Variants in CCNJL observed in about 807,000 individuals in gnomAD.
The protein encoded by CCNJL is cyclin J like.
In CCNJL, 33 loss-of-function variants were observed where a neutral mutation model predicts 33.4. The ratio of observed to expected loss-of-function variants is 0.99; its 90% CI spans 0.75 to 1.32. The LOEUF is 1.32. CCNJL is among the 40% of genes most tolerant of loss of function. The pLI is 0.00. For missense variants in CCNJL, 512 were observed against 499.7 expected (o/e 1.02, Z -0.23); for synonymous variants, 227 against 220.9 (o/e 1.03, Z -0.24).
intron 1 of CCNJL, among the ~76,000 whole-genome samples, chr5:160,323,948 C>A (rs763296566): frequency 4.6e-5 from 7 of 152,206 alleles, no homozygotes; most frequent in Admixed American, 6.5e-5. Flanking sequence ...TGCATTCCGA[C>A]GGGGACTATC....
upstream of CCNJL, among the ~76,000 whole-genome samples, chr5:160,314,721 A>G (rs755336779): frequency 1.3e-5 from 2 of 152,264 alleles, no homozygotes; most frequent in Non-Finnish European, 2.9e-5. Context: ...ATAAATCGGT[A>G]TGTAAAACAT....
chr5:160,324,730 A>G (rs567742403), intron 1 of CCNJL, among the ~76,000 whole-genome samples: 10 of 152,326 alleles, frequency 6.6e-5, no homozygotes, highest in African/African-American at 2.4e-4. Flanking sequence ...TTTGCTCTCC[A>G]GCAAGACTGG....
chr5:160,336,125 T>G (rs1763681866), intron 1 of CCNJL, among the ~76,000 whole-genome samples: 1 of 152,220 alleles, frequency 6.6e-6, no homozygotes, highest in African/African-American at 2.4e-5. Context: ...ATTTATATCG[T>G]CAGTCCAGAA....
At chr5:160,288,676 C>T (rs899935685) in intron 2 of CCNJL, among the ~76,000 whole-genome samples, 3 of 151,922 alleles carry the variant, frequency 2.0e-5, no homozygotes, top group Admixed American at 6.6e-5. Context: ...CGAGACCATC[C>T]TGGCGAACAT....
At chr5:160,306,705 G>A (rs72812289) in intron 2 of CCNJL, among the ~76,000 whole-genome samples, 14,844 of 152,252 alleles carry the variant, frequency 0.097, 803 homozygotes, top group South Asian at 0.21. Context: ...GGAAGACTAT[G>A]TGTAAAATGG....
rs758230399 is a variant in CCNJL, at chr5:160,255,703, T to C, written c.589A>G (p.Ile197Val). 12 of 1,613,738 alleles carry C rather than the reference T, an allele frequency of 7.4e-6. No individual in the cohort carries two copies. In the South Asian group the frequency reaches 1.2e-4, roughly 16 times the overall value. Residue 197 changes from isoleucine (I) to valine (V), a missense_variant, in exon 5 of 6, where the codon ATA becomes GTA. Transcript: ENST00000257536. Reference protein sequence around the residue: ...YFLEVTLQDHIFYKFQPSVVA... With the variant: ...YFLEVTLQDHVFYKFQPSVVA... ...ACAGAAGGCTGGAATTTGTAGAATA[T>C]GTGATCTGAAAGAAAGCCACGGAGG...
In CCNJL at chr5:160,324,348, G is replaced by A. The variant is rs561020703; in HGVS notation, n.207-8843C>T. Among the ~76,000 whole-genome samples the A allele has an allele frequency of 1.6e-3, 244 of 152,202 alleles. 1 individual carries two copies. The highest frequency in any genetic ancestry group is 5.5e-3 in the African/African-American group (228 of 41,546). ...AGCACTTTGGGAGGCCGAGGCAGGC[G>A]GATCACCTGAGGTCAGGAGTTCTAG... On this transcript the variant is annotated intron_variant and non_coding_transcript_variant, in intron 1 of 7. Coordinates refer to the CCNJL transcript ENST00000377503.
rs1242084370 is a variant in CCNJL, at chr5:160,249,503, C to G, written c.*3875G>C. 6.6e-6 allele frequency: 1 copy of G among 152,094 alleles called. No individual in the cohort carries two copies. Among genetic ancestry groups the G allele is most frequent in the African/African-American group, 2.4e-5 (1 of 41,404 alleles). 9.4% of individuals were successfully genotyped at this position (152,094 alleles called of 1,614,324 possible). ...CTGGACCAGGCGTAGTGGCTTATACCTGTAATCTCAGCACTTTGGGAGGCC... is the reference window on the plus strand; with the variant it reads ...CTGGACCAGGCGTAGTGGCTTATACGTGTAATCTCAGCACTTTGGGAGGCC... On this transcript the variant is annotated 3_prime_UTR_variant, in exon 6 of 6. Transcript: ENST00000257536.
At chr5:160,304,500 T>C (rs1337694506) in intron 2 of CCNJL, among the ~76,000 whole-genome samples, 1 of 152,108 alleles carries the variant, frequency 6.6e-6, no homozygotes, top group East Asian at 1.9e-4. Context: ...GGCAGACTGC[T>C]TCAGGTCTCA....
intron 2 of CCNJL, among the ~76,000 whole-genome samples, chr5:160,287,174 C>T (rs1027547625): frequency 2.6e-5 from 4 of 152,160 alleles, no homozygotes; most frequent in African/African-American, 9.7e-5. Context: ...GGGGGTCACG[C>T]TGCCGTAAAT....
At chr5:160,297,694 C>A (rs1167615239) in intron 2 of CCNJL, among the ~76,000 whole-genome samples, 1 of 149,832 alleles carries the variant, frequency 6.7e-6, no homozygotes, top group African/African-American at 2.5e-5. Flanking sequence ...AGAAATAAAC[C>A]CTGAAGTATT....
At position 160,270,570 on chromosome 5, in the gene CCNJL, C is replaced by T. The variant is rs140891062; in HGVS notation, c.280+9955G>A. Among the ~76,000 whole-genome samples the T allele has an allele frequency of 3.9e-3, 596 of 152,196 alleles. 5 individuals are homozygous for T. Among genetic ancestry groups the T allele is most frequent in the African/African-American group, 0.014 (562 of 41,508 alleles). ...CCAGCCTGAGTGACAGAGTGAGATC[C>T]TGCCTCAAAAAGATAAATAAAAATA... On this transcript the variant is annotated intron_variant, in intron 3 of 5. Coordinates refer to ENST00000257536, the MANE Select transcript of CCNJL (RefSeq NM_001308173.3).
At chr5:160,286,838 G>C (rs1009197271) in intron 2 of CCNJL, among the ~76,000 whole-genome samples, 14 of 151,546 alleles carry the variant, frequency 9.2e-5, no homozygotes, top group African/African-American at 1.5e-4. Context: ...TGACTTAAAT[G>C]TCACTTCCTA....
At chr5:160,336,885 A>C (rs1486479044) in intron 1 of CCNJL, among the ~76,000 whole-genome samples, 1 of 151,948 alleles carries the variant, frequency 6.6e-6, no homozygotes, top group Non-Finnish European at 1.5e-5. Context: ...AAAGACGGCC[A>C]AAATTACATC....
intron 2 of CCNJL, among the ~76,000 whole-genome samples, chr5:160,302,284 G>A (rs925476173): frequency 1.4e-4 from 22 of 152,170 alleles, no homozygotes; most frequent in African/African-American, 5.1e-4. Context: ...TATTTAGCAC[G>A]TGCAGTTAAG....
At chr5:160,310,745 G>A (rs1763234850) in intron 2 of CCNJL, among the ~76,000 whole-genome samples, 1 of 152,168 alleles carries the variant, frequency 6.6e-6, no homozygotes, top group South Asian at 2.1e-4. Context: ...ATCCTTGTAA[G>A]AAGAGAAAAC....
At chr5:160,332,660 C>G (rs1265545746) in intron 1 of CCNJL, among the ~76,000 whole-genome samples, 1 of 152,198 alleles carries the variant, frequency 6.6e-6, no homozygotes, top group African/African-American at 2.4e-5. Flanking sequence ...TCTTCCCAGC[C>G]CCACATATCT....
intron 2 of CCNJL, among the ~76,000 whole-genome samples, chr5:160,297,377 C>T (rs1286152711): frequency 8.6e-6 from 1 of 116,440 alleles, no homozygotes; most frequent in African/African-American, 3.7e-5. Context: ...GCCAGCAAAG[C>T]CCACCAGTGA....
At chr5:160,254,948 T>G (rs997734415) in intron 5 of CCNJL, 1 of 152,190 alleles carries the variant, frequency 6.6e-6, no homozygotes, top group Non-Finnish European at 1.5e-5. Flanking sequence ...AAGATTACAC[T>G]GGGACTTAGA....
Sources: allele counts gnomAD v4.1 joint callset (sites outside exome capture counted in the v4.1 genomes callset), GRCh38; gene constraint gnomAD v4.1.1; transcripts MANE v1.5; gene names NCBI Gene and HGNC (gene_info 2026-07-23, HGNC 2026-07-21).